Variants in BUB1B observed in about 807,000 individuals in gnomAD.
BUB1B encodes mitotic checkpoint serine/threonine-protein kinase BUB1 beta.
In BUB1B, 86 loss-of-function variants were observed where a neutral mutation model predicts 137.7. The ratio of observed to expected loss-of-function variants is 0.62; its 90% CI spans 0.52 to 0.75. BUB1B has a LOEUF of 0.75. BUB1B is among the 30% of genes least tolerant of loss of function. The pLI is 0.00. For synonymous variants in BUB1B, 420 were observed against 417.9 expected, an observed-to-expected ratio of 1.00 and a Z score of -0.06; for missense variants, 1,130 against 1,236.9, an observed-to-expected ratio of 0.91 and a Z score of 1.30.
intron 8 of BUB1B, among the ~76,000 whole-genome samples, chr15:40,189,400 TC>T (rs2037409469): frequency 6.6e-6 from 1 of 152,200 alleles, no homozygotes; most frequent in Non-Finnish European, 1.5e-5. Flanking sequence ...CCTCAAGTGG[TC>T]CGCCCACCTC....
chr15:40,190,071 T>C (rs1208097547), intron 8 of BUB1B, among the ~76,000 whole-genome samples: 1 of 152,214 alleles, frequency 6.6e-6, no homozygotes, highest in Admixed American at 6.5e-5. Context: ...TCCCTCCTTA[T>C]CTGTAGGGGA....
intron 12 of BUB1B, 106 bp from the exon 13 acceptor site, chr15:40,202,299 T>G (rs2037581009): frequency 4.2e-6 from 4 of 959,468 alleles, no homozygotes; most frequent in East Asian, 4.8e-5. Flanking sequence ...AAAAACAGGT[T>G]GCCTTCCTGC....
chr15:40,176,377 A>G (rs1413189018), intron 4 of BUB1B, 100 bp from the exon 5 acceptor site: 7 of 1,093,000 alleles, frequency 6.4e-6, no homozygotes, highest in Non-Finnish European at 9.8e-6. Context: ...TTTTTTTTCA[A>G]TACAGGAATT....
intron 14 of BUB1B, among the ~76,000 whole-genome samples, chr15:40,203,687 AT>A (rs773022410): frequency 1.8e-4 from 27 of 152,224 alleles, no homozygotes; most frequent in Non-Finnish European, 2.4e-4. Flanking sequence ...ATGTGGGCCA[AT>A]CATTTTTCTT....
intron 5 of BUB1B, among the ~76,000 whole-genome samples, chr15:40,181,365 A>G (rs921468769): frequency 1.3e-5 from 2 of 152,214 alleles, no homozygotes; most frequent in African/African-American, 4.8e-5. Flanking sequence ...TGCTGGGATT[A>G]CAGGCGTGAA....
chr15:40,187,925 A>G (rs2037388341), intron 8 of BUB1B, among the ~76,000 whole-genome samples: 1 of 152,226 alleles, frequency 6.6e-6, no homozygotes, highest in Admixed American at 6.5e-5. Flanking sequence ...AAAATAAAAA[A>G]GAAAATCCTA....
chr15:40,200,877 A>C, intron 11 of BUB1B, 54 bp from the exon 12 acceptor site: 2 of 1,493,674 alleles, frequency 1.3e-6, no homozygotes, highest in Non-Finnish European at 9.3e-7. Context: ...TTAAAAATTA[A>C]ACAGTTCTTT....
chr15:40,218,365 CACTGTAAT>C, intron 21 of BUB1B, 83 bp from the exon 22 acceptor site: 1 of 870,946 alleles, frequency 1.1e-6, no homozygotes, highest in Non-Finnish European at 1.9e-6. Flanking sequence ...CTTAGTTAAG[CACTGTAAT>C]ACCTTTCAAC....
intron 21 of BUB1B, 119 bp downstream of exon 21, chr15:40,217,786 T>G: frequency 1.6e-6 from 2 of 1,215,798 alleles, no homozygotes; most frequent in Non-Finnish European, 2.4e-6. Flanking sequence ...TGACCTAGTT[T>G]TCAAATATCA....
At position 40,175,443 on chromosome 15, in the gene BUB1B, C is replaced by T. The variant is rs532567270; in HGVS notation, c.385-1034C>T. ...AATAATGGTTAAGTGTAAGCAGCAG[C>T]GTGGAAAAGTGAATGATGCAGTATT... On this transcript the variant is annotated intron_variant, in intron 4 of 22. Transcript: ENST00000287598. 1.8e-4 allele frequency among the ~76,000 whole-genome samples: 27 copies of T among 151,926 alleles called. No homozygotes were observed. In the East Asian group the frequency reaches 5.0e-3, roughly 28 times the overall value.
intron 4 of BUB1B, among the ~76,000 whole-genome samples, 171 bp downstream of exon 4, chr15:40,170,852 G>T (rs141586084): frequency 1.3e-5 from 2 of 152,280 alleles, no homozygotes; most frequent in East Asian, 3.9e-4. Flanking sequence ...CTTAAAGGTG[G>T]ACTTAAATAT....
At position 40,220,943 on chromosome 15, in the gene BUB1B, A is replaced by G. The variant is rs1029135207; in HGVS notation, c.*184A>G. 4.5e-6 allele frequency: 3 copies of G among 662,548 alleles called. No individual in the cohort carries two copies. Among genetic ancestry groups the G allele is most frequent in the East Asian group, 5.5e-5 (2 of 36,262 alleles). 41.0% of individuals were successfully genotyped at this position (662,548 alleles called of 1,614,324 possible). On this transcript the variant is annotated 3_prime_UTR_variant, in exon 23 of 23. Coordinates refer to ENST00000287598, the MANE Select transcript of BUB1B (RefSeq NM_001211.6). ...TTTTTATACAGTGATATACTTACTC[A>G]TGGCCTTGTCTAACTTTTGTGAAGA...
intron 4 of BUB1B, among the ~76,000 whole-genome samples, chr15:40,172,095 TAAAG>T (rs1051703922): frequency 6.4e-4 from 96 of 149,588 alleles, no homozygotes; most frequent in African/African-American, 1.9e-3. Flanking sequence ...CTTACTAAAA[TAAAG>T]AAATAAATTT....
rs542099249 is a variant in BUB1B at position 40,170,706 on chromosome 15, G to A, written c.384+25G>A. 63 of 1,608,856 alleles carry A rather than the reference G, an allele frequency of 3.9e-5. No homozygotes were observed. In the South Asian group the frequency reaches 6.5e-4, roughly 17 times the overall value. On this transcript the variant is annotated intron_variant, in intron 4 of 22. Coordinates refer to ENST00000287598, the MANE Select transcript of BUB1B (RefSeq NM_001211.6). ...AGTAAGTCTTTCTCAAGTGCCATCT[G>A]AGTTTTAAATATTAAACTAAGAGAT...
chr15:40,200,259 C>A lies in BUB1B; in HGVS notation c.1417C>A (p.Pro473Thr), dbSNP rs2037548844. ...ATGCAAACAGCAAGAAGAGACGATG[C>A]CTACAAAGGAGACAACTAAACTGCA... The part of the protein sequence containing the change: ...RTGDQQEETM[P>T]TKETTKLQIA... The change falls in exon 11 of 23, where the codon CCT becomes ACT. Residue 473 changes from proline to threonine, a missense_variant. Coordinates refer to ENST00000287598, the MANE Select transcript of BUB1B (RefSeq NM_001211.6). The A allele has an allele frequency of 1.2e-6, 2 of 1,612,690 alleles. No homozygotes were observed. The highest frequency in any genetic ancestry group is 1.7e-6 in the Non-Finnish European group (2 of 1,179,036).
intron 22 of BUB1B, among the ~76,000 whole-genome samples, chr15:40,219,951 A>C (rs546375457): frequency 1.3e-4 from 20 of 152,260 alleles, no homozygotes; most frequent in Admixed American, 3.9e-4. Flanking sequence ...TTGAAATACA[A>C]TGTAAGACAT....
chr15:40,213,532 C>A (rs1037226460), intron 20 of BUB1B, 58 bp downstream of exon 20: 82 of 1,597,098 alleles, frequency 5.1e-5, no homozygotes, highest in Non-Finnish European at 6.8e-5. Context: ...TGGATAGTTG[C>A]CACTTTTTTT....
chr15:40,180,303 G>C (rs2037272415), intron 5 of BUB1B, among the ~76,000 whole-genome samples: 1 of 137,034 alleles, frequency 7.3e-6, no homozygotes, highest in Non-Finnish European at 1.5e-5. Flanking sequence ...ACCCAGGCTG[G>C]AGTGCAATGG....
At chr15:40,205,486 T>G (rs1398528601) in intron 14 of BUB1B, among the ~76,000 whole-genome samples, 1 of 152,208 alleles carries the variant, frequency 6.6e-6, no homozygotes, top group African/African-American at 2.4e-5. Flanking sequence ...GTTTATAACC[T>G]TTTGACCTTA....
Sources: allele counts gnomAD v4.1 joint callset (sites outside exome capture counted in the v4.1 genomes callset), GRCh38; gene constraint gnomAD v4.1.1; transcripts MANE v1.5; gene names NCBI Gene and HGNC (gene_info 2026-07-23, HGNC 2026-07-21).